The following NTRK3 variants were observed in gnomAD, a reference collection of about 807,000 sequenced individuals.
NTRK3 encodes the protein neurotrophic receptor tyrosine kinase 3.
In NTRK3, 24 loss-of-function variants were observed where a neutral mutation model predicts 91.7. That is an observed-to-expected ratio of 0.26 (90% CI 0.19 to 0.37). The LOEUF (loss-of-function observed/expected upper bound fraction) is 0.37. Ranked by LOEUF, NTRK3 falls within the 10% of genes least tolerant of loss-of-function variation. NTRK3 has a pLI of 1.00. For missense variants in NTRK3, 880 were observed against 1,068.9 expected (o/e 0.82, Z 2.46); for synonymous variants, 483 against 404.0 (o/e 1.20, Z -2.34).
intron 14 of NTRK3, among the ~76,000 whole-genome samples, chr15:88,004,509 T>C (rs990026517): frequency 6.6e-6 from 1 of 152,170 alleles, no homozygotes; most frequent in Non-Finnish European, 1.5e-5. Context: ...GTGGTCTCAA[T>C]ATGTGCTACT....
At chr15:88,024,325 G>A (rs954867205) in intron 14 of NTRK3, among the ~76,000 whole-genome samples, 13 of 152,226 alleles carry the variant, frequency 8.5e-5, no homozygotes, top group Admixed American at 8.5e-4. Context: ...CCTAGGGAAA[G>A]AGAGTGAGGC....
intron 6 of NTRK3, among the ~76,000 whole-genome samples, chr15:88,138,956 G>A (rs1188156758): frequency 6.6e-6 from 1 of 152,164 alleles, no homozygotes; most frequent in African/African-American, 2.4e-5. Context: ...CCCTGGGGGA[G>A]TAGGTGGTTA....
rs566305357 is a variant in NTRK3, at chr15:88,243,924, A to G, written c.248+11982T>C. On this transcript the variant is annotated intron_variant, in intron 3 of 18. Transcript: ENST00000394480. This position sits in a 1 kb window ranked among gnomAD's most constrained non-coding sequence, Gnocchi z 4.8. ...ACATGAATGCCCTCAGAAAAAAAAT[A>G]TCTTTAGCACCTAGCAGTTGAAGGG... is the stretch of plus-strand genomic sequence containing the variant. 2.4e-4 allele frequency among the ~76,000 whole-genome samples: 36 copies of G among 152,306 alleles called. No homozygotes were observed. Among genetic ancestry groups the G allele is most frequent in the African/African-American group, 7.9e-4 (33 of 41,560 alleles).
In NTRK3 at chr15:87,910,071, G is replaced by A. The variant is rs140909229; in HGVS notation, c.2133+19120C>T. Among the ~76,000 whole-genome samples, 491 of 152,340 alleles carry A rather than the reference G, an allele frequency of 3.2e-3. 1 individual carries two copies. The highest frequency in any genetic ancestry group is 5.2e-3 in the Non-Finnish European group (355 of 68,030). On this transcript the variant is annotated intron_variant, in intron 17 of 18. Transcript: ENST00000394480. ...CACCGGGGACAGACTGGCTGGGATGGAGCCAAGGGGGCTTCTTGTGGAAGG... is the reference window on the plus strand; with the variant it reads ...CACCGGGGACAGACTGGCTGGGATGAAGCCAAGGGGGCTTCTTGTGGAAGG...
intron 13 of NTRK3, among the ~76,000 whole-genome samples, chr15:88,078,230 T>G (rs1050639334): frequency 8.5e-5 from 13 of 152,174 alleles, no homozygotes; most frequent in African/African-American, 2.9e-4. Flanking sequence ...TATTGTATGT[T>G]CTGGGGGTAG....
intron 3 of NTRK3, among the ~76,000 whole-genome samples, chr15:88,249,504 C>T (rs920032019): frequency 2.6e-5 from 4 of 152,150 alleles, no homozygotes; most frequent in East Asian, 3.9e-4. Flanking sequence ...AGTCTTCGAG[C>T]GACCCAGGGA....
exon 19 of NTRK3, chr15:87,873,721 A>C: frequency 4.3e-6 from 1 of 230,378 alleles, no homozygotes; most frequent in Non-Finnish European, 8.6e-6. Context: ...AAATAAATAA[A>C]TGGACCGTCG....
intron 14 of NTRK3, among the ~76,000 whole-genome samples, chr15:87,946,611 G>A (rs1425547191): frequency 6.6e-6 from 1 of 152,090 alleles, no homozygotes; most frequent in African/African-American, 2.4e-5. Flanking sequence ...GGCCCCTGGT[G>A]GCAGCTCCTA....
chr15:88,081,731 A>G (rs1452940880), intron 13 of NTRK3, among the ~76,000 whole-genome samples: 1 of 152,180 alleles, frequency 6.6e-6, no homozygotes, highest in Non-Finnish European at 1.5e-5. Context: ...GGGCTGAAGT[A>G]CCTGAGACAG....
chr15:87,873,350 C>G (rs1488964677), exon 19 of NTRK3: 2 of 228,774 alleles, frequency 8.7e-6, no homozygotes, highest in Middle Eastern at 2.5e-3. Context: ...CCTCAGAGTT[C>G]AGGGATATCA....
intron 16 of NTRK3, 34 bp from the exon 17 acceptor site, chr15:87,929,468 G>A (rs2141917631): frequency 6.2e-7 from 1 of 1,609,972 alleles, no homozygotes; most frequent in Non-Finnish European, 8.5e-7. Context: ...AGGGGGCAGA[G>A]AGAAATCAGG....
intron 13 of NTRK3, chr15:88,072,889 C>G: frequency 4.3e-6 from 1 of 231,796 alleles, no homozygotes; most frequent in Non-Finnish European, 8.5e-6. Flanking sequence ...CCAGCATCAG[C>G]CCAGTCAAGA....
At chr15:88,247,319 G>A (rs1462928624) in intron 3 of NTRK3, among the ~76,000 whole-genome samples, 2 of 152,244 alleles carry the variant, frequency 1.3e-5, no homozygotes, top group Non-Finnish European at 2.9e-5. Context: ...CAGCTAGCGA[G>A]GCAGGGCCCT....
chr15:88,248,594 T>C (rs2053067193), intron 3 of NTRK3, among the ~76,000 whole-genome samples: 1 of 152,176 alleles, frequency 6.6e-6, no homozygotes, highest in Admixed American at 6.5e-5. Context: ...CAAAAGAGCA[T>C]AGGCAGTATA....
chr15:88,247,529 G>T (rs546483477), intron 3 of NTRK3, among the ~76,000 whole-genome samples: 1 of 152,302 alleles, frequency 6.6e-6, no homozygotes, highest in Admixed American at 6.5e-5. Context: ...GTCTAGAAAA[G>T]GAAATAACCA....
chr15:88,127,057 T>C, intron 12 of NTRK3, 105 bp downstream of exon 12: 2 of 1,017,664 alleles, frequency 2.0e-6, no homozygotes, highest in South Asian at 1.4e-5. Context: ...CTTTTTTTTT[T>C]CAAAGTTTCA....
Position 88,126,391 on chromosome 15 carries a change from CAG to C in NTRK3, c.1294-20_1294-19del, listed in dbSNP as rs769921486. 2.2e-5 allele frequency: 35 copies of C among 1,560,454 alleles called. No individual in the cohort carries two copies. The highest frequency in any genetic ancestry group is 5.4e-5 in the African/African-American group (4 of 73,888). ...ATGGATACCTGTGAGGAACCAGAAA[CAG>C]AGAGTCAGCAACAATCACAGAAAAC... On this transcript the variant is annotated intron_variant, in intron 12 of 18. Coordinates refer to ENST00000394480, the Ensembl canonical transcript of NTRK3.
intron 14 of NTRK3, among the ~76,000 whole-genome samples, chr15:87,957,524 G>A (rs574242093): frequency 2.0e-5 from 3 of 152,240 alleles, no homozygotes; most frequent in African/African-American, 4.8e-5. Flanking sequence ...ACAGTGTTGT[G>A]GTAGGATTGC....
chr15:88,040,838 A>G (rs1481567813), intron 13 of NTRK3, among the ~76,000 whole-genome samples: 4 of 152,248 alleles, frequency 2.6e-5, no homozygotes, highest in Non-Finnish European at 5.9e-5. Flanking sequence ...TACATGCCAG[A>G]TATGTTGCTG....
Sources: gnomAD v4.1 joint callset for allele counts (sites outside exome capture counted in the v4.1 genomes callset) on GRCh38, gnomAD v4.1.1 for gene constraint, Gnocchi (gnomAD v3.1) non-coding constraint, MANE v1.5 for transcripts, NCBI Gene and HGNC (gene_info 2026-07-23, HGNC 2026-07-21) for gene names.